The following PCDHA9 variants were observed in gnomAD, a reference collection of about 807,000 sequenced individuals.
PCDHA9 encodes the protein protocadherin alpha-9.
In PCDHA9, 62 loss-of-function variants were observed where a neutral mutation model predicts 62.0. That is an observed-to-expected ratio of 1.00 (90% confidence interval 0.81 to 1.23). PCDHA9 has a LOEUF of 1.23. Ranked by LOEUF, PCDHA9 falls within the 50% of genes most tolerant of loss-of-function variation. PCDHA9 has a pLI of 0.00. For missense variants in PCDHA9, 1,205 were observed against 1,249.8 expected (o/e 0.96, Z 0.54); for synonymous variants, 557 against 567.6 (o/e 0.98, Z 0.27).
chr5:140,863,793 G>A (rs2048183012), intron 1 of PCDHA9: 1 of 216,012 alleles, frequency 4.6e-6, no homozygotes, highest in East Asian at 1.1e-4. Flanking sequence ...GAGGCCAGGA[G>A]TTTGAGACCA....
intron 1 of PCDHA9, among the ~76,000 whole-genome samples, chr5:140,897,960 T>C (rs2066423336): frequency 6.6e-6 from 1 of 152,276 alleles, no homozygotes; most frequent in South Asian, 2.1e-4. Flanking sequence ...CATTTTTTCA[T>C]GTGTCTTTTG....
intron 1 of PCDHA9, chr5:140,926,951 G>T (rs1554203848): frequency 1.9e-6 from 3 of 1,596,266 alleles, no homozygotes; most frequent in Middle Eastern, 1.7e-4. Context: ...GCTGCAGCGG[G>T]ACAGCTCGAG....
chr5:140,919,424 T>G (rs1222822099), intron 1 of PCDHA9, among the ~76,000 whole-genome samples: 7 of 152,218 alleles, frequency 4.6e-5, no homozygotes, highest in Non-Finnish European at 2.9e-5. Context: ...CAATTCTGCC[T>G]TTTGATTGGG....
chr5:140,850,480 C>G lies in PCDHA9; in HGVS notation c.1985C>G (p.Thr662Arg). 1 of 1,597,900 alleles carries G rather than the reference C, an allele frequency of 6.3e-7. No homozygotes were observed. Among genetic ancestry groups the G allele is most frequent in the Non-Finnish European group, 8.6e-7 (1 of 1,167,594 alleles). ...KDHGEPALTA[T>R]ATVLVSLVES... ...CACGGGGAGCCAGCGCTGACGGCCA[C>G]GGCCACTGTGCTGGTGTCGCTGGTG... Residue 662 changes from threonine (T) to arginine (R), a missense_variant, in exon 1 of 4, where the codon ACG becomes AGG. By Grantham distance (71) the Thr-to-Arg change is moderately conservative. Transcript: ENST00000532602.
At chr5:140,927,472 G>T (rs201932518) in intron 1 of PCDHA9, 4 of 1,614,094 alleles carry the variant, frequency 2.5e-6, no homozygotes, top group African/African-American at 1.3e-5. Context: ...ACTGGATCGC[G>T]AACAGCGCGC....
At chr5:140,854,696 T>C (rs190246288) in intron 1 of PCDHA9, 1 of 150,200 alleles carries the variant, frequency 6.7e-6, no homozygotes, top group East Asian at 1.9e-4. Flanking sequence ...TTGTTAAGTT[T>C]TCCTTTCTTG....
intron 1 of PCDHA9, among the ~76,000 whole-genome samples, chr5:140,958,548 A>C (rs185504563): frequency 6.6e-6 from 1 of 152,180 alleles, no homozygotes; most frequent in African/African-American, 2.4e-5. Context: ...TTATGAACCA[A>C]TAAATGTTTC....
Position 140,858,059 on chromosome 5 carries a change from G to C in PCDHA9, c.2394+7170G>C, listed in dbSNP as rs200045353. 1,846 of 1,597,616 alleles carry C rather than the reference G, an allele frequency of 1.2e-3. 155 individuals carry two copies. The highest frequency in any genetic ancestry group is 1.5e-3 in the Middle Eastern group (9 of 5,984). On this transcript the variant is annotated intron_variant, in intron 1 of 3. Coordinates refer to ENST00000532602, the MANE Select transcript of PCDHA9 (RefSeq NM_031857.2). ...CACTGTGCTTGTGTCGCTTGTGGAG[G>C]GCAGCCAGGCACCCAAGGCCTCGTC...
At chr5:140,944,655 C>A (rs1045047658) in intron 1 of PCDHA9, among the ~76,000 whole-genome samples, 3 of 152,128 alleles carry the variant, frequency 2.0e-5, no homozygotes, top group Admixed American at 2.0e-4. Flanking sequence ...GGAGTCCATA[C>A]CCCTTATTTA....
chr5:140,986,000 A>G (rs549071976), intron 3 of PCDHA9, among the ~76,000 whole-genome samples: 1 of 151,922 alleles, frequency 6.6e-6, no homozygotes, highest in Non-Finnish European at 1.5e-5. Flanking sequence ...CAGCCTCCCA[A>G]AGTGCTGGGA....
chr5:140,895,309 C>A (rs1327911944), intron 1 of PCDHA9, among the ~76,000 whole-genome samples: 1 of 152,124 alleles, frequency 6.6e-6, no homozygotes, highest in African/African-American at 2.4e-5. Context: ...CCCCCTTCCA[C>A]CCATGACTAT....
rs7710953 is a variant in PCDHA9 at position 140,852,165 on chromosome 5, C to T, written c.2394+1276C>T. On this transcript the variant is annotated intron_variant, in intron 1 of 3. Coordinates refer to ENST00000532602, the MANE Select transcript of PCDHA9 (RefSeq NM_031857.2). ...GATCAGAATGGCCTTGAGAATAGAGCCACAAAAATAACTATGAAAATGCCA... is the reference window on the plus strand; with the variant it reads ...GATCAGAATGGCCTTGAGAATAGAGTCACAAAAATAACTATGAAAATGCCA... 4.5e-3 allele frequency: 3,690 copies of T among 821,522 alleles called. 269 individuals are homozygous for T. In the African/African-American group the frequency reaches 0.065, roughly 14 times the overall value. 50.9% of individuals were successfully genotyped at this position (821,522 alleles called of 1,614,324 possible).
chr5:140,990,518 T>G (rs2097397992), intron 3 of PCDHA9, among the ~76,000 whole-genome samples: 1 of 152,314 alleles, frequency 6.6e-6, no homozygotes, highest in South Asian at 2.1e-4. Context: ...CTCTCTTGTC[T>G]TTTTTGACTG....
intron 3 of PCDHA9, among the ~76,000 whole-genome samples, chr5:141,002,755 T>A (rs894161079): frequency 1.3e-5 from 2 of 152,174 alleles, no homozygotes; most frequent in Non-Finnish European, 2.9e-5. Context: ...GACAACCCTG[T>A]GATGTAGACA....
chr5:140,943,274 A>AAAAG (rs1349019397), intron 1 of PCDHA9, among the ~76,000 whole-genome samples: 1 of 141,284 alleles, frequency 7.1e-6, no homozygotes, highest in Admixed American at 7.3e-5. Context: ...AAAAAAAAAA[A>AAAAG]AAAGAAAGAA....
intron 1 of PCDHA9, chr5:140,875,821 T>C: frequency 6.2e-7 from 1 of 1,614,192 alleles, no homozygotes; most frequent in Non-Finnish European, 8.5e-7. Context: ...GCTGCAGGTT[T>C]TCCATGTGGA....
At chr5:140,851,029 C>G (rs1554145203) in intron 1 of PCDHA9, 140 bp downstream of exon 1, 3 of 1,410,832 alleles carry the variant, frequency 2.1e-6, no homozygotes, top group African/African-American at 2.9e-5. Context: ...AAGTAAACCC[C>G]TTAACATTGG....
intron 1 of PCDHA9, chr5:140,884,055 C>T (rs782119019): frequency 2.2e-5 from 36 of 1,613,356 alleles, no homozygotes; most frequent in Non-Finnish European, 1.7e-6. Flanking sequence ...AAGGTGCGCG[C>T]GGTGGACGCC....
At chr5:140,858,446 T>G (rs782631209) in intron 1 of PCDHA9, 6 of 1,533,560 alleles carry the variant, frequency 3.9e-6, no homozygotes, top group Non-Finnish European at 5.3e-6. Flanking sequence ...GGTGGGTTAT[T>G]ACGTTTTCAT....
Sources: allele counts gnomAD v4.1 joint callset (sites outside exome capture counted in the v4.1 genomes callset), GRCh38; gene constraint gnomAD v4.1.1; transcripts MANE v1.5; gene names NCBI Gene and HGNC (gene_info 2026-07-23, HGNC 2026-07-21).